Variants in AGBL4 observed in about 807,000 individuals in gnomAD.
AGBL4 encodes AGBL carboxypeptidase 4.
AGBL4 carries 58 observed loss-of-function variants against 66.4 expected under a neutral mutation model. The observed-to-expected ratio is 0.87, with a 90% CI of 0.71 to 1.09. The LOEUF is 1.09. Among genes scored for constraint, AGBL4 ranks in the 50% least tolerant of loss-of-function variants. The probability of loss-of-function intolerance (pLI) is 0.00; values close to 1 mark genes in which losing one functional copy is unlikely to be tolerated. For missense variants in AGBL4, 579 were observed against 631.0 expected, an observed-to-expected ratio of 0.92 and a Z score of 0.88; for synonymous variants, 234 against 222.9, an observed-to-expected ratio of 1.05 and a Z score of -0.44.
chr1:49,096,018 A>G (rs1336730719), intron 4 of AGBL4, among the ~76,000 whole-genome samples: 1 of 152,202 alleles, frequency 6.6e-6, no homozygotes, highest in Admixed American at 6.5e-5. Flanking sequence ...CCCATCAAAA[A>G]GTGGGCAAAG....
At chr1:49,259,161 A>G (rs2148355634) in intron 3 of AGBL4, among the ~76,000 whole-genome samples, 1 of 152,326 alleles carries the variant, frequency 6.6e-6, no homozygotes, top group South Asian at 2.1e-4. Context: ...AGGAAGCACT[A>G]AACAAGGAAA....
At chr1:49,935,583 C>T (rs1346113420) in intron 1 of AGBL4, among the ~76,000 whole-genome samples, 2 of 152,186 alleles carry the variant, frequency 1.3e-5, no homozygotes, top group African/African-American at 4.8e-5. Flanking sequence ...GGGAGGCACC[C>T]CCCCAGTAGG....
intron 11 of AGBL4, among the ~76,000 whole-genome samples, chr1:48,556,329 T>C (rs994136893): frequency 2.0e-5 from 3 of 152,160 alleles, no homozygotes; most frequent in African/African-American, 7.2e-5. Flanking sequence ...AGCTGGCCTG[T>C]CTGTCTGACT....
At chr1:49,102,226 T>C (rs1187536351) in intron 4 of AGBL4, among the ~76,000 whole-genome samples, 1 of 152,148 alleles carries the variant, frequency 6.6e-6, no homozygotes, top group East Asian at 1.9e-4. Flanking sequence ...AAAATTCCCA[T>C]GGCCGCCTTC....
At chr1:48,915,037 G>A (rs542158819) in intron 5 of AGBL4, among the ~76,000 whole-genome samples, 154 of 152,300 alleles carry the variant, frequency 1.0e-3, no homozygotes, top group Non-Finnish European at 2.0e-3. Context: ...TGATTCGTCC[G>A]TGAGGAAATC....
chr1:49,465,349 C>G (rs550934058), intron 3 of AGBL4, among the ~76,000 whole-genome samples: 2 of 151,484 alleles, frequency 1.3e-5, no homozygotes, highest in East Asian at 3.9e-4. Context: ...AGATCTTAGG[C>G]AGGTCACTTT....
rs373144634 is a variant in AGBL4, at chr1:49,651,267, G to A, written c.282+46046C>T. On this transcript the variant is annotated intron_variant, in intron 3 of 13. Coordinates refer to ENST00000371839, the MANE Select transcript of AGBL4 (RefSeq NM_032785.4). Reference sequence around the variant, plus strand: ...GCCCAGGACAAGGAACTGGTGCAGCGCCCCCTACCCCTCTCCCCAAGACCT... The same window carrying A: ...GCCCAGGACAAGGAACTGGTGCAGCACCCCCTACCCCTCTCCCCAAGACCT... 3.8e-4 allele frequency among the ~76,000 whole-genome samples: 58 copies of A among 152,100 alleles called. 1 individual carries two copies. In the South Asian group the frequency reaches 9.5e-3, roughly 25 times the overall value.
intron 11 of AGBL4, among the ~76,000 whole-genome samples, chr1:48,579,928 A>AG (rs1466823893): frequency 6.6e-6 from 1 of 151,670 alleles, no homozygotes; most frequent in East Asian, 2.0e-4. Flanking sequence ...AAAAAAAAAA[A>AG]AAAAAAAAAG....
chr1:50,000,466 G>C (rs1262123562), intron 1 of AGBL4, among the ~76,000 whole-genome samples: 1 of 152,180 alleles, frequency 6.6e-6, no homozygotes, highest in Non-Finnish European at 1.5e-5. Flanking sequence ...CTTTTACACT[G>C]CTGGTGGGAA....
At chr1:49,886,327 A>G (rs1158174908) in intron 1 of AGBL4, among the ~76,000 whole-genome samples, 1 of 152,132 alleles carries the variant, frequency 6.6e-6, no homozygotes, top group Non-Finnish European at 1.5e-5. Flanking sequence ...TGCCACCTGA[A>G]CTACCTCAAA....
intron 9 of AGBL4, among the ~76,000 whole-genome samples, chr1:48,627,623 T>G (rs997291856): frequency 2.0e-5 from 3 of 151,994 alleles, no homozygotes; most frequent in African/African-American, 7.2e-5. Context: ...GTTGCTCTAT[T>G]TTAAAAACTG....
At chr1:49,303,161 T>C (rs1243505291) in intron 3 of AGBL4, among the ~76,000 whole-genome samples, 13 of 152,310 alleles carry the variant, frequency 8.5e-5, no homozygotes, top group Non-Finnish European at 1.9e-4. Flanking sequence ...TTATATTTCT[T>C]TGAGTATAAT....
rs953012883 is a variant in AGBL4, at chr1:49,806,177, A to G, written c.157+45219T>C. ...CAGGGGAGTTATAGAGAAAGCCTCAATCTTCTCAGAGAATATGTAAGTGGT... is the reference window on the plus strand; with the variant it reads ...CAGGGGAGTTATAGAGAAAGCCTCAGTCTTCTCAGAGAATATGTAAGTGGT... On this transcript the variant is annotated intron_variant, in intron 2 of 13. Coordinates refer to ENST00000371839, the MANE Select transcript of AGBL4 (RefSeq NM_032785.4). Among the ~76,000 whole-genome samples the G allele has an allele frequency of 7.9e-5, 12 of 152,322 alleles. No homozygotes were observed. The South Asian group carries it at 2.3e-3, about 29-fold the overall frequency.
intron 4 of AGBL4, among the ~76,000 whole-genome samples, chr1:49,163,538 G>T (rs997241273): frequency 4.6e-5 from 7 of 152,134 alleles, no homozygotes; most frequent in Admixed American, 3.3e-4. Flanking sequence ...TGTCTCTTTT[G>T]CTGGACTATG....
At chr1:48,699,587 A>G (rs1464704794) in intron 6 of AGBL4, among the ~76,000 whole-genome samples, 1 of 152,096 alleles carries the variant, frequency 6.6e-6, no homozygotes. Flanking sequence ...TTCTTCCCCA[A>G]TCCAACAGCT....
intron 3 of AGBL4, among the ~76,000 whole-genome samples, chr1:49,375,403 G>T (rs1329963526): frequency 1.3e-5 from 2 of 152,014 alleles, no homozygotes. Context: ...GAGAAGTGAT[G>T]ATTTTTTTTT....
At chr1:48,663,024 T>C in intron 7 of AGBL4, 128 bp downstream of exon 7, 2 of 813,226 alleles carry the variant, frequency 2.5e-6, no homozygotes, top group Non-Finnish European at 4.0e-6. Context: ...AGGTAAAATC[T>C]CTTTAAAGAA....
At chr1:48,683,694 G>A (rs903913129) in intron 6 of AGBL4, among the ~76,000 whole-genome samples, 2 of 152,178 alleles carry the variant, frequency 1.3e-5, no homozygotes, top group African/African-American at 2.4e-5. Context: ...ATTCTAGGTC[G>A]TCTGGCTCCA....
the AGBL4 span, among the ~76,000 whole-genome samples, chr1:48,524,014 T>A: frequency 1.3e-5 from 2 of 152,256 alleles, no homozygotes; most frequent in South Asian, 4.1e-4. Flanking sequence ...TATAATCTTA[T>A]GGGACCACTG....
Sources: allele counts gnomAD v4.1 joint callset (sites outside exome capture counted in the v4.1 genomes callset), GRCh38; gene constraint gnomAD v4.1.1; transcripts MANE v1.5; gene names NCBI Gene and HGNC (gene_info 2026-07-23, HGNC 2026-07-21).